SF3B3: variants seen among roughly 807,000 people sequenced by gnomAD.
The protein encoded by SF3B3 is SAP 130.
A neutral mutation model predicts 139.2 loss-of-function variants in SF3B3; 33 were observed. That is an observed-to-expected ratio of 0.24 (90% CI 0.18 to 0.32). The LOEUF (loss-of-function observed/expected upper bound fraction) is 0.32. Ranked by LOEUF, SF3B3 falls within the 10% of genes least tolerant of loss-of-function variation. The pLI, the probability that SF3B3 is intolerant of heterozygous loss-of-function variation, is 1.00. For missense variants in SF3B3, 818 were observed against 1,509.4 expected, an observed-to-expected ratio of 0.54 and a Z score of 7.59; for synonymous variants, 596 against 563.6, an observed-to-expected ratio of 1.06 and a Z score of -0.81.
chr16:70,562,168 A>G (rs922839970), intron 17 of SF3B3, among the ~76,000 whole-genome samples: 1 of 152,218 alleles, frequency 6.6e-6, no homozygotes, highest in Admixed American at 6.5e-5. Flanking sequence ...TAACCTATCT[A>G]TAAGTTATTT....
chr16:70,535,046 G>A (rs1221420049), intron 5 of SF3B3, among the ~76,000 whole-genome samples: 1 of 152,132 alleles, frequency 6.6e-6, no homozygotes, highest in Non-Finnish European at 1.5e-5. Context: ...CTGAAGATGG[G>A]GTCTGAAGAT....
chr16:70,528,120 C>T (rs986555037), intron 2 of SF3B3, among the ~76,000 whole-genome samples: 1 of 150,840 alleles, frequency 6.6e-6, no homozygotes, highest in Admixed American at 6.6e-5. Flanking sequence ...ATTCCTTTTC[C>T]AATTCAGTCT....
Position 70,555,188 on chromosome 16 carries a change from C to G in SF3B3, c.1692C>G (p.Val564=). ...TTGCCCTGACAGGAGGAGAGCTGGT[C>G]TATTTCGAGATGGATCCTGTATGTT... is the stretch of plus-strand genomic sequence containing the variant. ...VVIALTGGEL[V]YFEMDPSGQL... The change falls in exon 13 of 26, where the codon GTC becomes GTG. Residue 564 remains valine, a synonymous_variant. Coordinates refer to ENST00000302516, the MANE Select transcript of SF3B3 (RefSeq NM_012426.5). The G allele has an allele frequency of 3.7e-6, 6 of 1,613,888 alleles. No homozygotes were observed. Among genetic ancestry groups the G allele is most frequent in the Non-Finnish European group, 5.1e-6 (6 of 1,179,860 alleles).
chr16:70,547,590 A>T (rs1330552519), intron 10 of SF3B3, among the ~76,000 whole-genome samples: 1 of 152,090 alleles, frequency 6.6e-6, no homozygotes, highest in Non-Finnish European at 1.5e-5. Flanking sequence ...AGAGGTGGTG[A>T]CTGATTTCTT....
intron 10 of SF3B3, among the ~76,000 whole-genome samples, chr16:70,546,688 T>C (rs930250118): frequency 6.6e-6 from 1 of 151,776 alleles, no homozygotes; most frequent in Admixed American, 6.5e-5. Flanking sequence ...AATTTTTGTA[T>C]AGTGTAAGAG....
intron 18 of SF3B3, 42 bp downstream of exon 18, chr16:70,564,092 G>C (rs1361731833): frequency 8.8e-6 from 14 of 1,591,962 alleles, no homozygotes; most frequent in Non-Finnish European, 1.2e-5. Context: ...AAAGATGTGT[G>C]AAATTATGTT....
At position 70,544,524 on chromosome 16, in the gene SF3B3, T is replaced by C. The variant is rs748782639; in HGVS notation, c.1320T>C (p.His440=). The stretch of plus-strand genomic sequence containing the variant: ...GATCATCTCTGAGAGTCCTAAGACA[T>C]GGACTTGAGGTAAGGTTGCAATTTC... ...GPRSSLRVLR[H]GLEVSEMAVS... Residue 440 remains histidine (H), a synonymous_variant, in exon 10 of 26, where the codon CAT becomes CAC. Coordinates refer to ENST00000302516, the MANE Select transcript of SF3B3 (RefSeq NM_012426.5). The C allele has an allele frequency of 1.0e-5, 16 of 1,599,638 alleles. No homozygotes were observed. Among genetic ancestry groups the C allele is most frequent in the Non-Finnish European group, 3.4e-6 (4 of 1,166,942 alleles).
chr16:70,571,545 A>G (rs2050529481), intron 25 of SF3B3, 128 bp from the exon 26 acceptor site: 2 of 990,576 alleles, frequency 2.0e-6, no homozygotes, highest in East Asian at 2.6e-5. Context: ...AACCCGGATG[A>G]TAGGGTGAGA....
At chr16:70,557,917 T>C (rs1403507927) in intron 15 of SF3B3, among the ~76,000 whole-genome samples, 2 of 152,242 alleles carry the variant, frequency 1.3e-5, no homozygotes, top group Non-Finnish European at 2.9e-5. Context: ...TAGTTCCTTA[T>C]TACCATGTTC....
Position 70,530,383 on chromosome 16 carries a change from G to A in SF3B3, c.398-362G>A, listed in dbSNP as rs572995855. On this transcript the variant is annotated intron_variant, in intron 3 of 25. Coordinates refer to ENST00000302516, the MANE Select transcript of SF3B3 (RefSeq NM_012426.5). ...TGCCCAGGCTGGAGTGCAGTGGTGC[G>A]ATCTCAGCTCACTGCAACCTTTGCG... 6.7e-4 allele frequency among the ~76,000 whole-genome samples: 101 copies of A among 150,016 alleles called. 1 individual carries two copies. Among genetic ancestry groups the A allele is most frequent in the African/African-American group, 2.4e-3 (96 of 40,638 alleles).
chr16:70,570,466 G>A (rs1025445368), intron 24 of SF3B3, among the ~76,000 whole-genome samples: 5 of 151,712 alleles, frequency 3.3e-5, no homozygotes, highest in African/African-American at 1.2e-4. Context: ...AAGTAGCTGG[G>A]AATACAGGCG....
chr16:70,564,717 CAG>C (rs919495360), intron 18 of SF3B3, among the ~76,000 whole-genome samples: 6 of 152,316 alleles, frequency 3.9e-5, no homozygotes, highest in African/African-American at 1.4e-4. Context: ...AGAGTGGAGA[CAG>C]AGTAGTTTTA....
At chr16:70,526,166 A>G (rs1010461017) in intron 1 of SF3B3, among the ~76,000 whole-genome samples, 1 of 151,930 alleles carries the variant, frequency 6.6e-6, no homozygotes, top group African/African-American at 2.4e-5. Flanking sequence ...TGTTAATTCT[A>G]TACTAATGAC....
intron 2 of SF3B3, 89 bp downstream of exon 2, chr16:70,526,815 A>G (rs1436351708): frequency 7.7e-6 from 7 of 910,824 alleles, no homozygotes; most frequent in Non-Finnish European, 1.2e-5. Context: ...TTTTCCATTT[A>G]TGACAAAACA....
intron 9 of SF3B3, 86 bp downstream of exon 9, chr16:70,541,920 A>G (rs1328503195): frequency 1.6e-5 from 19 of 1,219,040 alleles, no homozygotes; most frequent in Non-Finnish European, 2.0e-5. Flanking sequence ...TAGTATTTCC[A>G]TGAACTCGCC....
intron 23 of SF3B3, 183 bp from the exon 24 acceptor site, chr16:70,569,823 C>A: frequency 1.6e-6 from 1 of 616,616 alleles, no homozygotes; most frequent in Non-Finnish European, 2.8e-6. Context: ...TACGAGACCT[C>A]ACTGTGTTGC....
At chr16:70,527,557 C>G (rs1177144185) in intron 2 of SF3B3, among the ~76,000 whole-genome samples, 1 of 152,096 alleles carries the variant, frequency 6.6e-6, no homozygotes, top group Non-Finnish European at 1.5e-5. Context: ...TTTCTCTGAT[C>G]CTCATTATGG....
At chr16:70,536,582 A>C (rs1408876519) in intron 6 of SF3B3, among the ~76,000 whole-genome samples, 2 of 151,354 alleles carry the variant, frequency 1.3e-5, no homozygotes, top group East Asian at 3.9e-4. Context: ...CGTGATCTCA[A>C]TTTCCTGACC....
intron 2 of SF3B3, among the ~76,000 whole-genome samples, chr16:70,527,733 GT>G (rs2050077981): frequency 6.6e-6 from 1 of 151,810 alleles, no homozygotes; most frequent in East Asian, 1.9e-4. Flanking sequence ...GCACGTTTTT[GT>G]TTTTTGTTTG....
Sources: gnomAD v4.1 joint callset for allele counts (sites outside exome capture counted in the v4.1 genomes callset) on GRCh38, gnomAD v4.1.1 for gene constraint, MANE v1.5 for transcripts, NCBI Gene and HGNC (gene_info 2026-07-23, HGNC 2026-07-21) for gene names.